Variants in SLC24A4 observed in about 807,000 individuals in gnomAD.
The protein encoded by SLC24A4 is sodium/potassium/calcium exchanger 4.
In SLC24A4, 53 loss-of-function variants were observed where a neutral mutation model predicts 79.0. The observed-to-expected ratio is 0.67, with a 90% CI of 0.54 to 0.84. The LOEUF (loss-of-function observed/expected upper bound fraction) is 0.84, where lower values mean the gene tolerates loss of function less well. SLC24A4 is among the 40% of genes least tolerant of loss of function. The probability of loss-of-function intolerance (pLI) is 0.00; values close to 1 mark genes in which losing one functional copy is unlikely to be tolerated. For synonymous variants in SLC24A4, 323 were observed against 323.8 expected (o/e 1.00, Z 0.03); for missense variants, 731 against 822.0 (o/e 0.89, Z 1.35).
chr14:92,433,831 A>G (rs1056416144), intron 2 of SLC24A4, 81 bp from the exon 3 acceptor site: 4 of 1,198,582 alleles, frequency 3.3e-6, no homozygotes, highest in South Asian at 1.2e-5. Flanking sequence ...GCAGTTCCTT[A>G]GTGAACTCTC....
intron 1 of SLC24A4, among the ~76,000 whole-genome samples, chr14:92,324,178 G>C (rs1012657291): frequency 2.6e-5 from 4 of 152,228 alleles, no homozygotes; most frequent in Non-Finnish European, 4.4e-5. Flanking sequence ...CGGCCCCTGG[G>C]GGGGCTCAGG....
At chr14:92,477,822 TC>T (rs1894855185) in intron 12 of SLC24A4, among the ~76,000 whole-genome samples, 1 of 144,332 alleles carries the variant, frequency 6.9e-6, no homozygotes, top group Non-Finnish European at 1.5e-5. Flanking sequence ...TTGCTTTGTC[TC>T]CCAGGCTGGA....
At chr14:92,329,235 G>T (rs369993535) in intron 2 of SLC24A4, among the ~76,000 whole-genome samples, 11 of 152,330 alleles carry the variant, frequency 7.2e-5, no homozygotes, top group African/African-American at 2.2e-4. Context: ...ACTTGGAGTG[G>T]GTGTCCCACA....
chr14:92,444,922 TAC>T (rs1368561122), intron 7 of SLC24A4, among the ~76,000 whole-genome samples: 1,797 of 77,108 alleles, frequency 0.023, 37 homozygotes, highest in African/African-American at 0.079. Context: ...ACACCCTATA[TAC>T]ACACACATAC....
At chr14:92,362,737 G>A (rs1887606766) in intron 2 of SLC24A4, among the ~76,000 whole-genome samples, 1 of 152,226 alleles carries the variant, frequency 6.6e-6, no homozygotes, top group Non-Finnish European at 1.5e-5. Flanking sequence ...GTGTCACCAT[G>A]CGCTCCTCCT....
intron 11 of SLC24A4, among the ~76,000 whole-genome samples, chr14:92,455,008 T>C (rs892934415): frequency 6.6e-6 from 1 of 152,206 alleles, no homozygotes; most frequent in Non-Finnish European, 1.5e-5. Flanking sequence ...AGTATCTTTT[T>C]CATGGCATAT....
intron 2 of SLC24A4, among the ~76,000 whole-genome samples, chr14:92,364,901 C>G (rs1300473564): frequency 2.0e-5 from 3 of 152,222 alleles, no homozygotes; most frequent in Non-Finnish European, 2.9e-5. Context: ...TTGCCCTCCT[C>G]CCTGCACCCC....
chr14:92,396,554 A>G (rs1208601475), intron 2 of SLC24A4, among the ~76,000 whole-genome samples: 3 of 152,194 alleles, frequency 2.0e-5, no homozygotes, highest in Non-Finnish European at 4.4e-5. Flanking sequence ...ATGAAAGGGA[A>G]TGGGGATGGA....
chr14:92,339,211 A>C (rs1415207852), intron 2 of SLC24A4, among the ~76,000 whole-genome samples: 1 of 152,196 alleles, frequency 6.6e-6, no homozygotes, highest in East Asian at 1.9e-4. Flanking sequence ...AGGAATCCAC[A>C]ACACTAACCT....
chr14:92,371,350 C>T (rs1888140245), intron 2 of SLC24A4, among the ~76,000 whole-genome samples: 1 of 152,272 alleles, frequency 6.6e-6, no homozygotes, highest in East Asian at 1.9e-4. Context: ...CCTACAACTA[C>T]AAAAAGATAC....
At chr14:92,486,814 A>G (rs1393475350) in intron 14 of SLC24A4, 34 bp downstream of exon 14, 1 of 1,497,266 alleles carries the variant, frequency 6.7e-7, no homozygotes, top group Admixed American at 1.7e-5. Flanking sequence ...ATAGTCATGC[A>G]GTGCAGGCCA....
chr14:92,438,961 A>G (rs1892337578), intron 3 of SLC24A4, among the ~76,000 whole-genome samples: 1 of 152,192 alleles, frequency 6.6e-6, no homozygotes, highest in Admixed American at 6.5e-5. Flanking sequence ...CCCAGCCACC[A>G]GTCACCTCAT....
At position 92,486,734 on chromosome 14, in the gene SLC24A4, G is replaced by A. The variant is rs1456426171; in HGVS notation, c.1491G>A (p.Gly497=). 1.2e-6 allele frequency: 2 copies of A among 1,614,148 alleles called. No individual in the cohort carries two copies. The highest frequency in any genetic ancestry group is 2.2e-5 in the East Asian group (1 of 44,884). Residue 497 remains glycine (G), a synonymous_variant, in exon 14 of 17, where the codon GGG becomes GGA. Transcript: ENST00000532405. ...TGGGCATTACTTTCCTGGCAGCAGG[G>A]ACAAGTGTTCCAGACTGCATGGCCA... ...VIMGITFLAA[G]TSVPDCMASL...
At chr14:92,454,103 G>C (rs1427976528) in intron 11 of SLC24A4, 34 bp downstream of exon 11, 56 of 1,597,226 alleles carry the variant, frequency 3.5e-5, no homozygotes, top group Non-Finnish European at 4.7e-5. Context: ...AAAGTGAGCA[G>C]CCTTGGATGC....
At chr14:92,351,938 G>GGAAAGGAAAA (rs1886915803) in intron 2 of SLC24A4, among the ~76,000 whole-genome samples, 1 of 151,486 alleles carries the variant, frequency 6.6e-6, no homozygotes, top group African/African-American at 2.4e-5. Flanking sequence ...GGAAAGGAAA[G>GGAAAGGAAAA]GAAAAGAAAG....
chr14:92,362,224 C>A (rs141135437), intron 2 of SLC24A4, among the ~76,000 whole-genome samples: 136,487 of 151,992 alleles, frequency 0.9, 63,076 homozygotes, highest in East Asian at 1. Context: ...AGGTCCCTGT[C>A]CCTGTCCAGC....
intron 2 of SLC24A4, among the ~76,000 whole-genome samples, chr14:92,395,970 C>T (rs1166230648): frequency 6.6e-6 from 1 of 152,100 alleles, no homozygotes; most frequent in African/African-American, 2.4e-5. Context: ...GGATTATAGA[C>T]GGGTGCCACC....
intron 12 of SLC24A4, among the ~76,000 whole-genome samples, chr14:92,474,823 A>AGTGTGTGTGTG (rs1555374561): frequency 1.1e-4 from 1 of 8,882 alleles, no homozygotes; most frequent in Non-Finnish European, 7.8e-4. Flanking sequence ...ATATATATAC[A>AGTGTGTGTGTG]TATATATGTG....
intron 13 of SLC24A4, chr14:92,483,926 G>C (rs1297417536): frequency 4.7e-5 from 60 of 1,263,900 alleles, no homozygotes; most frequent in Non-Finnish European, 5.8e-5. Flanking sequence ...TGGCCCAGGG[G>C]CCACCTTTCC....
Sources: gnomAD v4.1 joint callset for allele counts (sites outside exome capture counted in the v4.1 genomes callset) on GRCh38, gnomAD v4.1.1 for gene constraint, MANE v1.5 for transcripts, NCBI Gene and HGNC (gene_info 2026-07-23, HGNC 2026-07-21) for gene names.